REV1: variants seen among roughly 807,000 people sequenced by gnomAD.
REV1 encodes the protein REV1 DNA directed polymerase.
REV1 carries 42 observed loss-of-function variants against 137.4 expected under a neutral mutation model. The ratio of observed to expected loss-of-function variants is 0.31; its 90% CI spans 0.24 to 0.40. The LOEUF (loss-of-function observed/expected upper bound fraction) is 0.40. Among genes scored for constraint, REV1 ranks in the 10% least tolerant of loss-of-function variants. REV1 has a pLI of 1.00. For synonymous variants in REV1, 524 were observed against 519.2 expected (o/e 1.01, Z -0.12); for missense variants, 1,282 against 1,490.1 (o/e 0.86, Z 2.30).
intron 7 of REV1, 136 bp from the exon 8 acceptor site, chr2:99,434,584 G>A: frequency 1.1e-5 from 5 of 470,300 alleles, no homozygotes; most frequent in Non-Finnish European, 1.5e-5. Flanking sequence ...CCTTAAAGAA[G>A]CTAATACTTT....
intron 1 of REV1, among the ~76,000 whole-genome samples, chr2:99,485,747 C>T (rs540773197): frequency 1.3e-5 from 2 of 152,328 alleles, no homozygotes; most frequent in Admixed American, 6.5e-5. Context: ...TCTAGACATC[C>T]ACAAAATGTA....
intron 9 of REV1, among the ~76,000 whole-genome samples, chr2:99,429,588 T>C (rs1679847373): frequency 6.6e-6 from 1 of 152,134 alleles, no homozygotes; most frequent in Non-Finnish European, 1.5e-5. Flanking sequence ...GTAAAAACGA[T>C]GATCCCCAAT....
intron 1 of REV1, among the ~76,000 whole-genome samples, chr2:99,473,535 G>T (rs936776421): frequency 6.6e-6 from 1 of 152,216 alleles, no homozygotes; most frequent in African/African-American, 2.4e-5. Context: ...ATAGTGCTGC[G>T]TGTCTTTCAT....
chr2:99,424,023 G>A (rs1679020205), intron 10 of REV1, 129 bp downstream of exon 10: 1 of 943,754 alleles, frequency 1.1e-6, no homozygotes, highest in South Asian at 1.8e-5. Context: ...GGATGCTGAG[G>A]AGTGGTTCCT....
At chr2:99,440,384 T>C (rs1055228487) in intron 5 of REV1, among the ~76,000 whole-genome samples, 2 of 152,216 alleles carry the variant, frequency 1.3e-5, no homozygotes, top group Non-Finnish European at 2.9e-5. Context: ...TACCACAGTA[T>C]TATCAGGTTC....
chr2:99,415,673 T>C (rs1677756625), intron 12 of REV1, among the ~76,000 whole-genome samples: 1 of 152,246 alleles, frequency 6.6e-6, no homozygotes, highest in African/African-American at 2.4e-5. Flanking sequence ...TAACTCATAT[T>C]GTACTAGCTT....
At chr2:99,442,498 G>A (rs1436267333) in intron 4 of REV1, 29 bp from the exon 5 acceptor site, 1 of 1,605,338 alleles carries the variant, frequency 6.2e-7, no homozygotes. Context: ...CCAATTTAGA[G>A]TTCCATACTT....
chr2:99,424,171 A>G lies in REV1; in HGVS notation c.1657T>C (p.Leu553=). The part of the protein sequence containing the change: ...FHAYKEVAQT[L]YETLASYTHN... Reference sequence around the variant, plus strand: ...CTGTACCTTGCCAATGTTTCATACAATGTTTGTGCGACTTCCTTATATGCA... The same window carrying G: ...CTGTACCTTGCCAATGTTTCATACAGTGTTTGTGCGACTTCCTTATATGCA... Residue 553 remains leucine, a synonymous_variant, in exon 10 of 23, where the codon TTG becomes CTG. Coordinates refer to ENST00000258428, the MANE Select transcript of REV1 (RefSeq NM_016316.4). The G allele has an allele frequency of 6.2e-7, 1 of 1,614,006 alleles. No individual in the cohort carries two copies. Among genetic ancestry groups the G allele is most frequent in the Non-Finnish European group, 8.5e-7 (1 of 1,179,916 alleles).
intron 5 of REV1, 47 bp downstream of exon 5, chr2:99,442,270 A>AAAC (rs1681604383): frequency 7.5e-6 from 11 of 1,458,900 alleles, no homozygotes; most frequent in African/African-American, 1.5e-5. Context: ...AAAAAAAAAA[A>AAAC]AAAAAACCAA....
rs373840536 is a variant in REV1, at chr2:99,421,536, G to C, written c.1794C>G (p.Ile598Met). 2 of 1,614,036 alleles carry C rather than the reference G, an allele frequency of 1.2e-6. No homozygotes were observed. Among genetic ancestry groups the C allele is most frequent in the South Asian group, 2.2e-5 (2 of 91,064 alleles). Residue 598 changes from isoleucine to methionine, a missense_variant, in exon 11 of 23, where the codon ATC (isoleucine) becomes ATG (methionine). By Grantham distance (10) the Ile-to-Met change is conservative. Coordinates refer to ENST00000258428, the MANE Select transcript of REV1 (RefSeq NM_016316.4). ...AGGCAGCACATTTCGTCTGGTCTTT[G>C]ATTTCCATACGAACAGCATTTGCAA... ...DEFANAVRME[I>M]KDQTKCAASV...
At chr2:99,407,652 A>G (rs964250472) in intron 15 of REV1, among the ~76,000 whole-genome samples, 37 of 152,068 alleles carry the variant, frequency 2.4e-4, no homozygotes, top group Non-Finnish European at 3.2e-4. Flanking sequence ...ACTCCCTTCT[A>G]GGTCATCATA....
intron 3 of REV1, among the ~76,000 whole-genome samples, chr2:99,452,523 C>A (rs565950931): frequency 6.6e-6 from 1 of 152,044 alleles, no homozygotes; most frequent in African/African-American, 2.4e-5. Flanking sequence ...GCCTACAGAA[C>A]CCATCTCTGC....
intron 12 of REV1, among the ~76,000 whole-genome samples, chr2:99,414,456 T>A (rs1160958458): frequency 6.1e-4 from 85 of 138,590 alleles, no homozygotes; most frequent in African/African-American, 7.4e-4. Flanking sequence ...GTTAACAATT[T>A]AAAAAAAAAA....
chr2:99,405,789 C>G (rs1676195527), intron 17 of REV1, 121 bp downstream of exon 17: 2 of 647,218 alleles, frequency 3.1e-6, no homozygotes, highest in Non-Finnish European at 4.7e-6. Context: ...GTGGCCCGTT[C>G]TCCCTTTCTT....
intron 3 of REV1, among the ~76,000 whole-genome samples, chr2:99,451,157 T>C (rs1161455339): frequency 6.6e-6 from 1 of 152,172 alleles, no homozygotes; most frequent in East Asian, 1.9e-4. Flanking sequence ...TACATTACAA[T>C]GCATTAATAT....
chr2:99,460,098 T>G (rs1385189393), intron 3 of REV1, among the ~76,000 whole-genome samples: 1 of 152,154 alleles, frequency 6.6e-6, no homozygotes, highest in African/African-American at 2.4e-5. Flanking sequence ...ACTTTCTATT[T>G]TCTTTTTTTC....
chr2:99,453,294 G>A lies in REV1; in HGVS notation c.182-3790C>T, dbSNP rs186972642. 1.5e-3 allele frequency among the ~76,000 whole-genome samples: 221 copies of A among 151,904 alleles called. 1 individual carries two copies. The highest frequency in any genetic ancestry group is 5.1e-3 in the African/African-American group (210 of 41,382). On this transcript the variant is annotated intron_variant, in intron 3 of 22. Transcript: ENST00000258428. ...GAATCGCTTGAACCCAGGAGGTAGA[G>A]GTTGCAATGAGCTGAGATTGTGCCA...
chr2:99,423,092 A>C (rs941318774), intron 10 of REV1, among the ~76,000 whole-genome samples: 2 of 152,196 alleles, frequency 1.3e-5, no homozygotes, highest in Non-Finnish European at 2.9e-5. Context: ...GTGTCTTATC[A>C]TTCAGCACTC....
At chr2:99,435,300 G>T (rs1474655041) in intron 7 of REV1, among the ~76,000 whole-genome samples, 1 of 152,140 alleles carries the variant, frequency 6.6e-6, no homozygotes, top group Non-Finnish European at 1.5e-5. Context: ...GAAAAACCCA[G>T]AATGTATGCT....
Sources: allele counts gnomAD v4.1 joint callset (sites outside exome capture counted in the v4.1 genomes callset), GRCh38; gene constraint gnomAD v4.1.1; transcripts MANE v1.5; gene names NCBI Gene and HGNC (gene_info 2026-07-23, HGNC 2026-07-21).